TEX15: variants seen among roughly 807,000 people sequenced by gnomAD.
TEX15 encodes the protein testis expressed 15, meiosis and synapsis associated.
A neutral mutation model predicts 237.3 loss-of-function variants in TEX15; 171 were observed. The ratio of observed to expected loss-of-function variants is 0.72; its 90% CI spans 0.64 to 0.82. The LOEUF is 0.82. TEX15 is among the 40% of genes least tolerant of loss of function. The pLI is 0.00. For missense variants in TEX15, 3,750 were observed against 3,646.5 expected, an observed-to-expected ratio of 1.03 and a Z score of -0.73; for synonymous variants, 1,338 against 1,269.8, an observed-to-expected ratio of 1.05 and a Z score of -1.14.
chr8:30,846,856 C>T lies in TEX15; in HGVS notation c.3311G>A (p.Gly1104Asp), dbSNP rs1246031735. The change falls in exon 8 of 11, where the codon GGT (glycine) becomes GAT (aspartate). Residue 1104 changes from glycine (G) to aspartate (D), a missense_variant. Physicochemically the swap from Gly to Asp is moderately conservative, Grantham distance 94 (BLOSUM62 -1). Transcript: ENST00000643185. ...KALKSRISWEGLLALDNGEME... is the reference protein window; with the variant it reads ...KALKSRISWEDLLALDNGEME... ...CTCCCCGTTATCAAGTGCTAACAGA[C>T]CTTCCCAACTGATACGAGACTTCAG... The T allele has an allele frequency of 2.5e-6, 4 of 1,613,752 alleles. No individual in the cohort carries two copies. Among genetic ancestry groups the T allele is most frequent in the Non-Finnish European group, 2.5e-6 (3 of 1,179,836 alleles).
rs190537832 is a variant in TEX15, at chr8:30,899,612, G to A, written c.-85-795C>T. Among the ~76,000 whole-genome samples the A allele has an allele frequency of 2.0e-3, 308 of 152,152 alleles. 2 individuals are homozygous for A. The highest frequency in any genetic ancestry group is 5.2e-3 in the Admixed American group (79 of 15,298). ...ATTACAGGCATGTGCCACCGTGCCC[G>A]GCTAATTTTTGTATTTCTAGTAGAG... On this transcript the variant is annotated intron_variant, in intron 1 of 10. Coordinates refer to ENST00000643185, the MANE Select transcript of TEX15 (RefSeq NM_001350162.2).
chr8:30,893,970 C>T (rs1476163108), intron 2 of TEX15, among the ~76,000 whole-genome samples: 1 of 152,144 alleles, frequency 6.6e-6, no homozygotes, highest in African/African-American at 2.4e-5. Flanking sequence ...AACCCTTCTT[C>T]ATATCTAAAA....
At position 30,861,796 on chromosome 8, in the gene TEX15, T is replaced by C. The variant is rs73672575; in HGVS notation, c.541-1739A>G. ...ACAGAGAGAAGCCTAGCTCTTAAAATATGCTTTAGTCAATAGATAATGCTC... is the reference window on the plus strand; with the variant it reads ...ACAGAGAGAAGCCTAGCTCTTAAAACATGCTTTAGTCAATAGATAATGCTC... On this transcript the variant is annotated intron_variant, in intron 5 of 10. Transcript: ENST00000643185. Among the ~76,000 whole-genome samples, 534 of 152,214 alleles carry C rather than the reference T, an allele frequency of 3.5e-3. 2 individuals are homozygous for C. The highest frequency in any genetic ancestry group is 0.014 in the Middle Eastern group (4 of 294).
chr8:30,841,922 TC>T (rs1807463238), intron 8 of TEX15, 81 bp downstream of exon 8: 7 of 969,318 alleles, frequency 7.2e-6, no homozygotes, highest in Non-Finnish European at 3.0e-6. Flanking sequence ...CTTTTAGAAT[TC>T]TGCAAACTAC....
At chr8:30,841,712 ACTC>A (rs1416432363) in intron 8 of TEX15, among the ~76,000 whole-genome samples, 1 of 152,090 alleles carries the variant, frequency 6.6e-6, no homozygotes, top group Non-Finnish European at 1.5e-5. Flanking sequence ...ATAATATTGA[ACTC>A]CTTCTTAAGA....
intron 4 of TEX15, among the ~76,000 whole-genome samples, chr8:30,872,156 T>A (rs1200160124): frequency 6.6e-6 from 1 of 152,118 alleles, no homozygotes; most frequent in Admixed American, 6.6e-5. Context: ...ATGAACTTCA[T>A]ATAGTGGATT....
chr8:30,842,777 T>C lies in TEX15; in HGVS notation c.7390A>G (p.Lys2464Glu), dbSNP rs1475418146. The C allele has an allele frequency of 6.2e-7, 1 of 1,613,464 alleles. No individual in the cohort carries two copies. The change falls in exon 8 of 11, where the codon AAG becomes GAG. Residue 2464 changes from lysine (K) to glutamate (E), a missense_variant. Transcript: ENST00000643185. Reference sequence around the variant, plus strand: ...CGAAACCTCTGTTTGTCTAGTTTCTTTGCTATTGAGTTTTTAAGAAAGTGA... The same window carrying C: ...CGAAACCTCTGTTTGTCTAGTTTCTCTGCTATTGAGTTTTTAAGAAAGTGA... ...TIHFLKNSIAKKLDKQRFRGM... is the reference protein window; with the variant it reads ...TIHFLKNSIAEKLDKQRFRGM...
At chr8:30,864,285 TA>T (rs113313825) in intron 5 of TEX15, among the ~76,000 whole-genome samples, 46,239 of 121,878 alleles carry the variant, frequency 0.38, 11,995 homozygotes, top group African/African-American at 0.74. Context: ...GAAAAAAGAC[TA>T]AAAAAAAAAA....
intron 4 of TEX15, among the ~76,000 whole-genome samples, chr8:30,869,592 G>A (rs1267214125): frequency 1.3e-5 from 2 of 151,962 alleles, no homozygotes; most frequent in Non-Finnish European, 2.9e-5. Flanking sequence ...GCATGCCCAA[G>A]GACTTTCTAC....
rs767230050 is a variant in TEX15 at position 30,844,042 on chromosome 8, A to G, written c.6125T>C (p.Val2042Ala). The G allele has an allele frequency of 1.3e-5, 21 of 1,611,700 alleles. 2 individuals carry two copies. In the South Asian group the frequency reaches 2.3e-4, roughly 18 times the overall value. Residue 2042 changes from valine to alanine, a missense_variant, in exon 8 of 11, where the codon GTT (valine) becomes GCT (alanine). Coordinates refer to ENST00000643185, the MANE Select transcript of TEX15 (RefSeq NM_001350162.2). ...TTCTCTTGAAATCAGGATTTGTTCA[A>G]CTGAACATTCTTGCTTTCTTTCAAA... ...EAFERKQECS[V>A]EQILISRELL...
In TEX15 at chr8:30,837,802, C is replaced by T; in HGVS notation, c.8482G>A (p.Ala2828Thr). The T allele has an allele frequency of 6.2e-7, 1 of 1,614,154 alleles. No homozygotes were observed. The highest frequency in any genetic ancestry group is 8.5e-7 in the Non-Finnish European group (1 of 1,180,022). The stretch of plus-strand genomic sequence containing the variant: ...TCTTTCTTATCACTTTTTGTTTCAG[C>T]AGCACTGAAGTTCACATTTCTTTTC... Reference protein sequence around the residue: ...MKKRNVNFSAAETKSDKKDCA... With the variant: ...MKKRNVNFSATETKSDKKDCA... Residue 2828 changes from alanine (A) to threonine (T), a missense_variant, in exon 10 of 11, where the codon GCT (alanine) becomes ACT (threonine). Physicochemically the swap from Ala to Thr is moderately conservative, Grantham distance 58. Coordinates refer to ENST00000643185, the MANE Select transcript of TEX15 (RefSeq NM_001350162.2).
Position 30,849,189 on chromosome 8 carries a change from A to G in TEX15, c.978T>C (p.Asn326=), listed in dbSNP as rs773895306. 30 of 1,538,934 alleles carry G rather than the reference A, an allele frequency of 1.9e-5. No homozygotes were observed. In the East Asian group the frequency reaches 7.1e-4, roughly 36 times the overall value. Residue 326 remains asparagine, a synonymous_variant, in exon 8 of 11, where the codon AAT becomes AAC. Transcript: ENST00000643185. The part of the protein sequence containing the change: ...DPFVQENCLC[N]ALNSEINPFI... ...AAGGATTTATCTCTGAATTTAGTGC[A>G]TTGCATAAACAGTTTTCTTGAACAA...
chr8:30,888,979 T>C (rs1485128499), intron 2 of TEX15, among the ~76,000 whole-genome samples: 2 of 152,204 alleles, frequency 1.3e-5, no homozygotes, highest in Non-Finnish European at 2.9e-5. Flanking sequence ...GAGATACTTG[T>C]CAAGGCTGCC....
In TEX15 at chr8:30,836,936, A is replaced by C; in HGVS notation, c.9348T>G (p.Phe3116Leu). The C allele has an allele frequency of 3.1e-6, 5 of 1,614,216 alleles. No homozygotes were observed. The highest frequency in any genetic ancestry group is 4.2e-6 in the Non-Finnish European group (5 of 1,180,036). ...ANGFVPVNGY[F>L]QSQIPASNFR... The stretch of plus-strand genomic sequence containing the variant: ...AATTAGAAGCAGGTATTTGAGATTG[A>C]AAATACCCATTCACTGGCACAAAGC... Residue 3116 changes from phenylalanine to leucine, a missense_variant, in exon 10 of 11, where the codon TTT (phenylalanine) becomes TTG (leucine). Phe to Leu is a conservative substitution (Grantham distance 22). Coordinates refer to ENST00000643185, the MANE Select transcript of TEX15 (RefSeq NM_001350162.2).
chr8:30,912,407 T>G (rs972970887), intron 1 of TEX15, among the ~76,000 whole-genome samples: 1 of 146,696 alleles, frequency 6.8e-6, no homozygotes, highest in Non-Finnish European at 1.5e-5. Flanking sequence ...GCAACGCGGC[T>G]GCTCCGCGCT....
rs769128093 is a variant in TEX15 at position 30,846,631 on chromosome 8, T to C, written c.3536A>G (p.Asp1179Gly). 6.2e-7 allele frequency: 1 copy of C among 1,613,918 alleles called. No homozygotes were observed. The highest frequency in any genetic ancestry group is 1.1e-5 in the South Asian group (1 of 91,070). Reference protein sequence around the residue: ...SPTADSLALKDSFCTHVTEAT... With the variant: ...SPTADSLALKGSFCTHVTEAT... ...TTCAGTTACATGTGTGCAAAAACTA[T>C]CTTTCAATGCAAGGGAGTCAGCTGT... is the stretch of plus-strand genomic sequence containing the variant. Residue 1179 changes from aspartate (D) to glycine (G), a missense_variant, in exon 8 of 11, where the codon GAT becomes GGT. Asp to Gly is a moderately conservative substitution (Grantham distance 94, BLOSUM62 -1). Coordinates refer to ENST00000643185, the MANE Select transcript of TEX15 (RefSeq NM_001350162.2).
chr8:30,843,279 G>A lies in TEX15; in HGVS notation c.6888C>T (p.Asp2296=), dbSNP rs372875539. 1.2e-4 allele frequency: 186 copies of A among 1,611,554 alleles called. No homozygotes were observed. In the East Asian group the frequency reaches 1.2e-3, roughly 10 times the overall value. Residue 2296 remains aspartate (D), a synonymous_variant, in exon 8 of 11, where the codon GAC becomes GAT. Transcript: ENST00000643185. ...SFSKKYSQKK[D]EERLLRVNKC... is the part of the protein sequence containing the mutation. ...TATTCACTCTGAGTAGCCTTTCTTC[G>A]TCCTTCTTTTGTGAGTATTTTTTGC...
intron 5 of TEX15, among the ~76,000 whole-genome samples, chr8:30,862,949 T>A (rs1208471971): frequency 6.6e-6 from 1 of 152,128 alleles, no homozygotes; most frequent in Non-Finnish European, 1.5e-5. Flanking sequence ...GGGAAGGTGG[T>A]GGAGTAGGAG....
Position 30,843,768 on chromosome 8 carries a change from TCTTC to T in TEX15, c.6395_6398del (p.Gly2132AspfsTer2). 1 of 1,613,516 alleles carries T rather than the reference TCTTC, an allele frequency of 6.2e-7. No individual in the cohort carries two copies. The highest frequency in any genetic ancestry group is 8.5e-7 in the Non-Finnish European group (1 of 1,179,670). ...ACTCACAGAATGCATTATATTTTAA[TCTTC>T]CTTGGAAACCAGGATAGAAATTAGA... On this transcript the variant is annotated frameshift_variant, in exon 8 of 11. Coordinates refer to ENST00000643185, the MANE Select transcript of TEX15 (RefSeq NM_001350162.2). LOFTEE classifies it high-confidence loss of function.
Sources: gnomAD v4.1 joint callset for allele counts (sites outside exome capture counted in the v4.1 genomes callset) on GRCh38, gnomAD v4.1.1 for gene constraint, MANE v1.5 for transcripts, NCBI Gene and HGNC (gene_info 2026-07-23, HGNC 2026-07-21) for gene names.